The following NRXN2 variants were observed in gnomAD, a reference collection of about 807,000 sequenced individuals.
The protein encoded by NRXN2 is neurexin-2-beta.
NRXN2 carries 29 observed loss-of-function variants against 128.8 expected under a neutral mutation model. The observed-to-expected ratio is 0.23, with a 90% CI of 0.17 to 0.31. NRXN2 has a LOEUF of 0.31. Among genes scored for constraint, NRXN2 ranks in the 10% least tolerant of loss-of-function variants. The pLI is 1.00. For missense variants in NRXN2, 1,881 were observed against 2,452.6 expected (o/e 0.77, Z 4.92); for synonymous variants, 1,098 against 1,075.2 (o/e 1.02, Z -0.41).
chr11:64,652,956 C>T (rs2047689042), intron 12 of NRXN2, among the ~76,000 whole-genome samples: 1 of 151,674 alleles, frequency 6.6e-6, no homozygotes. Context: ...AGCACGCACA[C>T]AGCATGCCAC....
At chr11:64,649,174 G>A (rs1042630134) in intron 15 of NRXN2, among the ~76,000 whole-genome samples, 5 of 152,172 alleles carry the variant, frequency 3.3e-5, no homozygotes, top group African/African-American at 1.2e-4. Flanking sequence ...GGAGGAACCT[G>A]CTCTGTGCTC....
At chr11:64,688,892 T>G in intron 5 of NRXN2, 45 of 744,674 alleles carry the variant, frequency 6.0e-5, no homozygotes, top group Admixed American at 6.2e-5. Context: ...TCTCGAGCTC[T>G]ACAGCTGTCT....
chr11:64,625,677 A>T (rs1255879641), intron 20 of NRXN2, among the ~76,000 whole-genome samples: 1 of 152,084 alleles, frequency 6.6e-6, no homozygotes, highest in Admixed American at 6.6e-5. Context: ...AATGGGATGG[A>T]TATGTCCTTA....
intron 6 of NRXN2, among the ~76,000 whole-genome samples, 153 bp downstream of exon 6, chr11:64,685,493 G>C (rs1287894742): frequency 1.3e-5 from 2 of 151,996 alleles, no homozygotes; most frequent in Non-Finnish European, 2.9e-5. Flanking sequence ...CTTATGTCGG[G>C]ACCCTCACAG....
chr11:64,702,476 G>T (rs1307875556), intron 2 of NRXN2, among the ~76,000 whole-genome samples: 1 of 151,748 alleles, frequency 6.6e-6, no homozygotes, highest in Non-Finnish European at 1.5e-5. Context: ...TTCTGCCTTG[G>T]GATCCTGTTG....
intron 2 of NRXN2, among the ~76,000 whole-genome samples, chr11:64,711,321 C>T (rs1047587558): frequency 6.6e-6 from 1 of 152,202 alleles, no homozygotes; most frequent in Non-Finnish European, 1.5e-5. Flanking sequence ...CTAGAGGGAC[C>T]AGGGGAGAGA....
At chr11:64,653,652 C>T (rs1444855952) in intron 12 of NRXN2, 44 bp downstream of exon 12, 1 of 1,570,400 alleles carries the variant, frequency 6.4e-7, no homozygotes, top group Admixed American at 1.9e-5. Context: ...GTCCAGCATC[C>T]CAGTCCCCTT....
chr11:64,697,442 G>A (rs1265754960), intron 3 of NRXN2, among the ~76,000 whole-genome samples: 1 of 152,100 alleles, frequency 6.6e-6, no homozygotes, highest in African/African-American at 2.4e-5. Flanking sequence ...TGGGCTAAAC[G>A]TTGTCTACCC....
At chr11:64,624,998 A>T (rs918648603) in intron 20 of NRXN2, among the ~76,000 whole-genome samples, 4 of 152,210 alleles carry the variant, frequency 2.6e-5, no homozygotes, top group Admixed American at 1.3e-4. Context: ...GAGAGAGCTG[A>T]GCCTCAGAAA....
intron 22 of NRXN2, among the ~76,000 whole-genome samples, chr11:64,617,853 G>T (rs970182120): frequency 2.6e-5 from 4 of 152,222 alleles, no homozygotes; most frequent in African/African-American, 9.7e-5. Context: ...TTTCACAGTG[G>T]TGCAAATGTG....
intron 9 of NRXN2, among the ~76,000 whole-genome samples, chr11:64,666,329 G>A (rs1036169611): frequency 2.6e-5 from 4 of 151,492 alleles, no homozygotes; most frequent in African/African-American, 9.7e-5. Context: ...AGCCTCCCAA[G>A]TAGCTGGGAC....
At chr11:64,629,683 G>A (rs2043585166) in intron 19 of NRXN2, among the ~76,000 whole-genome samples, 1 of 152,152 alleles carries the variant, frequency 6.6e-6, no homozygotes, top group African/African-American at 2.4e-5. Context: ...AAGGCTCCCT[G>A]CAAGCAGGGA....
chr11:64,640,637 G>A (rs2045525058), intron 17 of NRXN2, among the ~76,000 whole-genome samples: 1 of 152,190 alleles, frequency 6.6e-6, no homozygotes, highest in South Asian at 2.1e-4. Context: ...ACTGAAGAGT[G>A]TTGCCTGAGA....
In NRXN2 at chr11:64,651,353, C is replaced by A. The variant is rs563084700; in HGVS notation, c.2820G>T (p.Met940Ile). The part of the protein sequence containing the change: ...ALATLQAYAS[M>I]HLFFQFKTTA... ...TGGTCTTGAACTGGAAGAAGAGGTGCATGGAAGCATAGGCTTGGAGCGTGG... is the reference window on the plus strand; with the variant it reads ...TGGTCTTGAACTGGAAGAAGAGGTGAATGGAAGCATAGGCTTGGAGCGTGG... Residue 940 changes from methionine to isoleucine, a missense_variant, in exon 14 of 23, where the codon ATG (methionine) becomes ATT (isoleucine). This residue lies in a region of NRXN2 where 390 missense variants were observed against 599.6 expected (regional missense o/e 0.65). Transcript: ENST00000265459. The surrounding 1 kb of genome is among the most constrained non-coding windows in gnomAD (Gnocchi z 5.9). 2 of 1,614,200 alleles carry A rather than the reference C, an allele frequency of 1.2e-6. No individual in the cohort carries two copies. The highest frequency in any genetic ancestry group is 2.7e-5 in the African/African-American group (2 of 75,060).
chr11:64,698,510 T>C (rs549849703), intron 2 of NRXN2, among the ~76,000 whole-genome samples: 48 of 152,302 alleles, frequency 3.2e-4, no homozygotes, highest in Non-Finnish European at 6.5e-4. Flanking sequence ...GTGGACTGGA[T>C]AGTTTCTGAG....
chr11:64,681,449 G>A (rs1385959798), intron 6 of NRXN2, among the ~76,000 whole-genome samples: 2 of 152,176 alleles, frequency 1.3e-5, no homozygotes, highest in African/African-American at 2.4e-5. Context: ...AAAGAACATA[G>A]CAAAGAAGGA....
rs1378037321 is a variant in NRXN2 at position 64,714,576 on chromosome 11, TC to T, written c.-244-634del. 6.6e-6 allele frequency among the ~76,000 whole-genome samples: 1 copy of T among 151,624 alleles called. No individual in the cohort carries two copies. The highest frequency in any genetic ancestry group is 1.5e-5 in the Non-Finnish European group (1 of 67,916). ...AGGCATCCAATTCTGTGTCTCCAGTTCCCCCGAAACCACGCTCACCCCTTCC... is the reference window on the plus strand; with the variant it reads ...AGGCATCCAATTCTGTGTCTCCAGTTCCCCGAAACCACGCTCACCCCTTCC... On this transcript the variant is annotated intron_variant, in intron 1 of 22. Transcript: ENST00000265459. The surrounding 1 kb of genome is among the most constrained non-coding windows in gnomAD (Gnocchi z 4.5).
In NRXN2 at chr11:64,714,322, C is replaced by G. The variant is rs2057217482; in HGVS notation, c.-244-379G>C. On this transcript the variant is annotated intron_variant, in intron 1 of 22. Coordinates refer to ENST00000265459, the MANE Select transcript of NRXN2 (RefSeq NM_015080.4). This position sits in a 1 kb window ranked among gnomAD's most constrained non-coding sequence, Gnocchi z 4.5. ...TCTCCTCCGCCTGGTGACCCCAGCC[C>G]CTTCTCTGAACCGCCCAGCCTCTGC... 6.6e-6 allele frequency among the ~76,000 whole-genome samples: 1 copy of G among 152,168 alleles called. No homozygotes were observed. Among genetic ancestry groups the G allele is most frequent in the African/African-American group, 2.4e-5 (1 of 41,436 alleles).
At chr11:64,611,927 C>G (rs1018022335) in intron 22 of NRXN2, among the ~76,000 whole-genome samples, 1 of 150,124 alleles carries the variant, frequency 6.7e-6, no homozygotes, top group South Asian at 2.2e-4. Context: ...GACTCCCCCT[C>G]GGTGCCCCCT....
Sources: gnomAD v4.1 joint callset for allele counts (sites outside exome capture counted in the v4.1 genomes callset) on GRCh38, gnomAD v4.1.1 for gene constraint, gnomAD v4.1.1 regional missense constraint, Gnocchi (gnomAD v3.1) non-coding constraint, MANE v1.5 for transcripts, NCBI Gene and HGNC (gene_info 2026-07-23, HGNC 2026-07-21) for gene names.